TMEM132B: variants seen among roughly 807,000 people sequenced by gnomAD.
TMEM132B encodes the protein transmembrane protein 132B.
Under a neutral mutation model 90.8 loss-of-function variants are expected in TMEM132B, and 18 were observed. That is an observed-to-expected ratio of 0.20 (90% confidence interval 0.14 to 0.29). The LOEUF is 0.29. Ranked by LOEUF, TMEM132B falls within the 10% of genes least tolerant of loss-of-function variation. The pLI is 1.00. For missense variants in TMEM132B, 1,096 were observed against 1,326.8 expected, an observed-to-expected ratio of 0.83 and a Z score of 2.70; for synonymous variants, 504 against 523.3, an observed-to-expected ratio of 0.96 and a Z score of 0.50.
intron 1 of TMEM132B, among the ~76,000 whole-genome samples, chr12:125,294,764 T>C (rs997776979): frequency 5.9e-5 from 9 of 152,200 alleles, no homozygotes; most frequent in Admixed American, 5.9e-4. Context: ...ATGATATTGA[T>C]TTAAGGCAGG....
rs1381871551 is a variant in TMEM132B, at chr12:125,407,840, G to A, written c.960-7691G>A. Among the ~76,000 whole-genome samples the A allele has an allele frequency of 6.6e-6, 1 of 152,230 alleles. No homozygotes were observed. The highest frequency in any genetic ancestry group is 1.9e-4 in the East Asian group (1 of 5,200). On this transcript the variant is annotated intron_variant, in intron 2 of 8. Coordinates refer to ENST00000682704, the MANE Select transcript of TMEM132B (RefSeq NM_001366854.1). The surrounding 1 kb of genome is among the most constrained non-coding windows in gnomAD (Gnocchi z 6.7). ...AGTGGTGGAGCCACCATGTCCTCCTGGCTCTGACTTACGTCCCTGTTACAA... is the reference window on the plus strand; with the variant it reads ...AGTGGTGGAGCCACCATGTCCTCCTAGCTCTGACTTACGTCCCTGTTACAA...
rs546016311 is a variant in TMEM132B at position 125,387,168 on chromosome 12, T to TG, written c.960-28356dup. On this transcript the variant is annotated intron_variant, in intron 2 of 8. Transcript: ENST00000682704. ...TTCTGGGGGTGGGGCGGGGAGATGG[T>TG]GGGGGGGTGGGTAGATTTGTGATCC... Among the ~76,000 whole-genome samples the TG allele has an allele frequency of 5.6e-3, 215 of 38,696 alleles. 1 individual carries two copies. Among genetic ancestry groups the TG allele is most frequent in the African/African-American group, 0.015 (147 of 10,100 alleles). 25.4% of individuals were successfully genotyped at this position (38,696 alleles called of 152,430 possible).
chr12:125,603,687 T>C (rs529645427), intron 5 of TMEM132B, among the ~76,000 whole-genome samples: 1 of 152,306 alleles, frequency 6.6e-6, no homozygotes, highest in East Asian at 1.9e-4. Flanking sequence ...GGATAAACTT[T>C]TTGCAATCTA....
intron 1 of TMEM132B, among the ~76,000 whole-genome samples, chr12:125,294,903 T>C (rs1355307284): frequency 6.6e-6 from 1 of 152,088 alleles, no homozygotes; most frequent in African/African-American, 2.4e-5. Context: ...AAATGCAGAA[T>C]GAAAGTGGTG....
intron 4 of TMEM132B, among the ~76,000 whole-genome samples, chr12:125,532,276 A>C (rs1045825057): frequency 2.2e-4 from 33 of 152,196 alleles, no homozygotes; most frequent in African/African-American, 7.5e-4. Flanking sequence ...GTGGAATTCC[A>C]GGGGCTTCAG....
intron 5 of TMEM132B, among the ~76,000 whole-genome samples, chr12:125,624,889 T>C (rs1023928550): frequency 6.6e-6 from 1 of 152,182 alleles, no homozygotes; most frequent in Non-Finnish European, 1.5e-5. Flanking sequence ...TAAAATGTGC[T>C]TTTTGTGTAG....
intron 4 of TMEM132B, among the ~76,000 whole-genome samples, chr12:125,575,084 T>TATATATATATATATATATATATATATATA (rs1160167639): frequency 1.5e-4 from 3 of 19,650 alleles, no homozygotes; most frequent in Non-Finnish European, 3.0e-4. Context: ...ATATATATAT[T>TATATATATATATATATATATATATATATA]CAGGAGTAGA....
chr12:125,616,143 G>A (rs926887821), intron 5 of TMEM132B, among the ~76,000 whole-genome samples: 2 of 131,616 alleles, frequency 1.5e-5, no homozygotes, highest in Admixed American at 9.5e-5. Flanking sequence ...CTGTGTCCAC[G>A]TGTTCTCATT....
intron 1 of TMEM132B, among the ~76,000 whole-genome samples, chr12:125,207,874 T>A (rs1247359318): frequency 6.6e-6 from 1 of 152,270 alleles, no homozygotes; most frequent in East Asian, 1.9e-4. Context: ...GGTTCACTCA[T>A]GTGTAGCATG....
chr12:125,365,718 A>G (rs1878112157), intron 2 of TMEM132B, among the ~76,000 whole-genome samples: 1 of 151,892 alleles, frequency 6.6e-6, no homozygotes, highest in Non-Finnish European at 1.5e-5. Context: ...CATTTTAAAG[A>G]TATTGTTCTA....
chr12:125,617,626 T>C (rs1208806510), intron 5 of TMEM132B, among the ~76,000 whole-genome samples: 2 of 152,236 alleles, frequency 1.3e-5, no homozygotes. Context: ...ATTACAGGCG[T>C]GAGCCACCAT....
chr12:125,385,541 C>G, intron 2 of TMEM132B, among the ~76,000 whole-genome samples: 1 of 152,160 alleles, frequency 6.6e-6, no homozygotes, highest in East Asian at 1.9e-4. Flanking sequence ...CTAAAATGTC[C>G]TAGGTCACAT....
chr12:125,632,940 G>T (rs778720196), intron 5 of TMEM132B, among the ~76,000 whole-genome samples: 2 of 151,630 alleles, frequency 1.3e-5, no homozygotes, highest in East Asian at 3.9e-4. Context: ...TTTTTTGTAG[G>T]TTTGAGAAGT....
intron 3 of TMEM132B, among the ~76,000 whole-genome samples, chr12:125,446,620 AC>A (rs2136439264): frequency 6.6e-6 from 1 of 152,370 alleles, no homozygotes; most frequent in Admixed American, 6.5e-5. Context: ...TGGGAAGACT[AC>A]AAGAGATGAA....
chr12:125,500,586 A>G lies in TMEM132B; in HGVS notation c.1107-18853A>G, dbSNP rs1217764470. ...TCCTCTTGCAGAGGGTAAGGCATGG[A>G]GAGGTTTATTTGGAATGTCATAAGA... On this transcript the variant is annotated intron_variant, in intron 3 of 8. Coordinates refer to ENST00000682704, the MANE Select transcript of TMEM132B (RefSeq NM_001366854.1). Among the ~76,000 whole-genome samples, 3 of 152,296 alleles carry G rather than the reference A, an allele frequency of 2.0e-5. No homozygotes were observed. The South Asian group carries it at 6.2e-4, about 32-fold the overall frequency.
At chr12:125,235,618 C>T (rs139297495) in intron 1 of TMEM132B, among the ~76,000 whole-genome samples, 25 of 152,236 alleles carry the variant, frequency 1.6e-4, no homozygotes, top group African/African-American at 6.0e-4. Flanking sequence ...GCAGCCACTC[C>T]CTAATCCTCT....
At chr12:125,289,960 T>A (rs553845342) in intron 1 of TMEM132B, among the ~76,000 whole-genome samples, 1 of 152,364 alleles carries the variant, frequency 6.6e-6, no homozygotes, top group Admixed American at 6.5e-5. Flanking sequence ...CTGGGCGCTC[T>A]TCAATCCCCC....
At chr12:125,485,427 C>G (rs1008712466) in intron 3 of TMEM132B, among the ~76,000 whole-genome samples, 6 of 152,152 alleles carry the variant, frequency 3.9e-5, no homozygotes, top group African/African-American at 1.2e-4. Context: ...GCTACCTACA[C>G]AGTATCACCA....
intron 2 of TMEM132B, among the ~76,000 whole-genome samples, chr12:125,357,639 G>A (rs996819690): frequency 1.3e-5 from 2 of 148,534 alleles, no homozygotes; most frequent in African/African-American, 5.3e-5. Context: ...GCCGAAGACC[G>A]GGGACCTGTG....
Sources: allele counts gnomAD v4.1 joint callset (sites outside exome capture counted in the v4.1 genomes callset), GRCh38; gene constraint gnomAD v4.1.1; non-coding constraint Gnocchi (gnomAD v3.1); transcripts MANE v1.5; gene names NCBI Gene and HGNC (gene_info 2026-07-23, HGNC 2026-07-21).